The following CSMD1 variants were observed in gnomAD, a reference collection of about 807,000 sequenced individuals.
CSMD1 encodes CUB and sushi domain-containing protein 1.
Under a neutral mutation model 417.5 loss-of-function variants are expected in CSMD1, and 213 were observed. The ratio of observed to expected loss-of-function variants is 0.51; its 90% CI spans 0.46 to 0.57. The LOEUF (loss-of-function observed/expected upper bound fraction) is 0.57, where lower values mean the gene tolerates loss of function less well. CSMD1 is among the 20% of genes least tolerant of loss of function. The pLI, the probability that CSMD1 is intolerant of heterozygous loss-of-function variation, is 0.00. For missense variants in CSMD1, 6,923 were observed against 4,529.7 expected, an observed-to-expected ratio of 1.53 and a Z score of -15.17; for synonymous variants, 2,862 against 1,736.8, an observed-to-expected ratio of 1.65 and a Z score of -16.11.
At chr8:3,638,000 A>T (rs2449193) in intron 7 of CSMD1, among the ~76,000 whole-genome samples, 1 of 152,168 alleles carries the variant, frequency 6.6e-6, no homozygotes, top group African/African-American at 2.4e-5. Flanking sequence ...TGGAACCATG[A>T]GTCCATTAAA....
intron 1 of CSMD1, among the ~76,000 whole-genome samples, chr8:4,707,974 C>A (rs1047900566): frequency 6.7e-6 from 1 of 149,168 alleles, no homozygotes; most frequent in Non-Finnish European, 1.5e-5. Flanking sequence ...TAAGACACAT[C>A]TCACTCTGTC....
intron 1 of CSMD1, among the ~76,000 whole-genome samples, chr8:4,704,450 T>C (rs1356404967): frequency 1.3e-5 from 2 of 152,300 alleles, no homozygotes; most frequent in East Asian, 3.9e-4. Context: ...TCAATAAATA[T>C]TTGCTTGACT....
intron 21 of CSMD1, among the ~76,000 whole-genome samples, chr8:3,355,750 C>CTAG (rs1808737826): frequency 6.6e-6 from 1 of 152,126 alleles, no homozygotes. Context: ...GAAGATGTCC[C>CTAG]TAGGTATGGA....
At chr8:3,465,768 G>T (rs983695563) in intron 12 of CSMD1, among the ~76,000 whole-genome samples, 1 of 152,176 alleles carries the variant, frequency 6.6e-6, no homozygotes, top group Non-Finnish European at 1.5e-5. Context: ...TGGAGTCTCA[G>T]AAATTCAAGT....
chr8:3,374,144 G>A (rs189521061), intron 18 of CSMD1, among the ~76,000 whole-genome samples: 7 of 151,188 alleles, frequency 4.6e-5, no homozygotes, highest in African/African-American at 1.7e-4. Context: ...AGTAGAGACG[G>A]GGTTTCACCT....
intron 3 of CSMD1, among the ~76,000 whole-genome samples, chr8:4,121,020 A>G (rs751886069): frequency 5.3e-5 from 8 of 152,214 alleles, no homozygotes; most frequent in East Asian, 1.9e-4. Context: ...TTTATTAAAC[A>G]TACTAGTTTA....
At chr8:3,315,683 G>T (rs1477551114) in intron 23 of CSMD1, among the ~76,000 whole-genome samples, 9 of 151,470 alleles carry the variant, frequency 5.9e-5, no homozygotes, top group Admixed American at 5.9e-4. Context: ...TGTTGACAAT[G>T]TTTAAACAGA....
chr8:4,665,671 C>A (rs1804876470), intron 1 of CSMD1, among the ~76,000 whole-genome samples: 1 of 152,100 alleles, frequency 6.6e-6, no homozygotes, highest in Non-Finnish European at 1.5e-5. Context: ...CAAGGTCCAC[C>A]CACGCTGTTG....
At chr8:4,068,317 C>T (rs1213090869) in intron 3 of CSMD1, among the ~76,000 whole-genome samples, 2 of 152,088 alleles carry the variant, frequency 1.3e-5, no homozygotes, top group African/African-American at 4.8e-5. Flanking sequence ...TGCGGGAGAG[C>T]TGTGAGGCCA....
At chr8:4,825,419 G>T (rs1212181849) in intron 1 of CSMD1, among the ~76,000 whole-genome samples, 1 of 152,038 alleles carries the variant, frequency 6.6e-6, no homozygotes, top group Non-Finnish European at 1.5e-5. Context: ...GTGACTCTAG[G>T]CACAGTGTAG....
intron 49 of CSMD1, among the ~76,000 whole-genome samples, chr8:3,082,522 C>G (rs1443337545): frequency 6.6e-6 from 1 of 152,158 alleles, no homozygotes; most frequent in African/African-American, 2.4e-5. Context: ...GTTTTTAAGA[C>G]TCTCTCCCTC....
At chr8:4,967,725 C>G (rs1301034203) in intron 1 of CSMD1, among the ~76,000 whole-genome samples, 1 of 152,126 alleles carries the variant, frequency 6.6e-6, no homozygotes, top group Non-Finnish European at 1.5e-5. Flanking sequence ...GTGTCGTTCA[C>G]ATAGCATTAG....
chr8:3,098,752 A>G (rs1815517423), intron 46 of CSMD1, among the ~76,000 whole-genome samples: 1 of 152,204 alleles, frequency 6.6e-6, no homozygotes, highest in Admixed American at 6.5e-5. Context: ...TGTGCAGGCT[A>G]GGACCTCAAG....
In CSMD1 at chr8:4,212,094, G is replaced by A. The variant is rs147403211; in HGVS notation, c.416-179995C>T. On this transcript the variant is annotated intron_variant, in intron 3 of 69. Transcript: ENST00000635120. The stretch of plus-strand genomic sequence containing the variant: ...AAAGAATATGCCTTGTCAACGGAAC[G>A]TAAAAGTCATGATTTCAAAGACCAT... Among the ~76,000 whole-genome samples the A allele has an allele frequency of 3.5e-3, 525 of 151,590 alleles. 1 individual carries two copies. The highest frequency in any genetic ancestry group is 0.012 in the South Asian group (59 of 4,802).
chr8:4,349,705 T>G (rs765815585), intron 3 of CSMD1, among the ~76,000 whole-genome samples: 1 of 152,166 alleles, frequency 6.6e-6, no homozygotes, highest in Non-Finnish European at 1.5e-5. Flanking sequence ...TACCTATAAA[T>G]ACAATCATCA....
intron 33 of CSMD1, 98 bp from the exon 34 acceptor site, chr8:3,190,213 T>G (rs1796329911): frequency 1.2e-6 from 1 of 855,686 alleles, no homozygotes; most frequent in Non-Finnish European, 1.8e-6. Flanking sequence ...GGAGAGCTGA[T>G]GCAGACAGAG....
chr8:3,289,426 G>C (rs1288424866), intron 25 of CSMD1, among the ~76,000 whole-genome samples: 2 of 147,334 alleles, frequency 1.4e-5, no homozygotes, highest in East Asian at 2.0e-4. Flanking sequence ...GGTTGAACTA[G>C]TTTACAGTCC....
chr8:4,307,391 T>C (rs1212571154), intron 3 of CSMD1, among the ~76,000 whole-genome samples: 1 of 152,164 alleles, frequency 6.6e-6, no homozygotes, highest in Non-Finnish European at 1.5e-5. Flanking sequence ...CCTCCTGCAC[T>C]CTTTTCTCCA....
chr8:4,653,567 A>C (rs1463754792), intron 1 of CSMD1, among the ~76,000 whole-genome samples: 1 of 152,082 alleles, frequency 6.6e-6, no homozygotes, highest in Admixed American at 6.5e-5. Flanking sequence ...TCAAAATGGA[A>C]AGTTTTGTGA....
Sources: gnomAD v4.1 joint callset for allele counts (sites outside exome capture counted in the v4.1 genomes callset) on GRCh38, gnomAD v4.1.1 for gene constraint, MANE v1.5 for transcripts, NCBI Gene and HGNC (gene_info 2026-07-23, HGNC 2026-07-21) for gene names.